The following SPOCK1 variants were observed in gnomAD, a reference collection of about 807,000 sequenced individuals.
The protein encoded by SPOCK1 is SPARC (osteonectin), cwcv and kazal like domains proteoglycan 1.
SPOCK1 carries 23 observed loss-of-function variants against 55.3 expected under a neutral mutation model. That is an observed-to-expected ratio of 0.42 (90% CI 0.30 to 0.59). SPOCK1 has a LOEUF of 0.59. Ranked by LOEUF, SPOCK1 falls within the 20% of genes least tolerant of loss-of-function variation. SPOCK1 has a pLI of 0.22. For synonymous variants in SPOCK1, 226 were observed against 221.0 expected (o/e 1.02, Z -0.20); for missense variants, 499 against 552.5 (o/e 0.90, Z 0.97).
chr5:137,407,662 G>A (rs1336760928), intron 2 of SPOCK1, among the ~76,000 whole-genome samples: 1 of 152,074 alleles, frequency 6.6e-6, no homozygotes, highest in Non-Finnish European at 1.5e-5. Context: ...ATTCAGGCTA[G>A]ACCATAGAGA....
chr5:137,033,602 T>C (rs1362611272), intron 6 of SPOCK1, among the ~76,000 whole-genome samples: 1 of 152,114 alleles, frequency 6.6e-6, no homozygotes, highest in Admixed American at 6.6e-5. Flanking sequence ...CTCCCTCACC[T>C]CATTCACACT....
intron 3 of SPOCK1, among the ~76,000 whole-genome samples, chr5:137,256,126 T>C (rs1756625602): frequency 6.6e-6 from 1 of 152,230 alleles, no homozygotes; most frequent in African/African-American, 2.4e-5. Context: ...CATATGTTTC[T>C]AAATCCTGGT....
intron 3 of SPOCK1, among the ~76,000 whole-genome samples, chr5:137,229,743 C>A (rs1756013471): frequency 6.6e-6 from 1 of 152,100 alleles, no homozygotes; most frequent in African/African-American, 2.4e-5. Context: ...GAAGGGGGTG[C>A]ACAGAGATGG....
chr5:137,425,027 CT>C (rs1304119976), intron 2 of SPOCK1, among the ~76,000 whole-genome samples: 3 of 152,244 alleles, frequency 2.0e-5, no homozygotes, highest in African/African-American at 7.2e-5. Flanking sequence ...TCAATACAAG[CT>C]TCCCATTCTA....
intron 6 of SPOCK1, among the ~76,000 whole-genome samples, chr5:137,058,172 T>C (rs1752334829): frequency 6.6e-6 from 1 of 152,196 alleles, no homozygotes; most frequent in African/African-American, 2.4e-5. Context: ...TTTTCTTTTT[T>C]CAAAGGAAGC....
intron 6 of SPOCK1, among the ~76,000 whole-genome samples, chr5:137,045,096 A>G (rs1752085168): frequency 6.7e-6 from 1 of 150,170 alleles, no homozygotes; most frequent in South Asian, 2.1e-4. Flanking sequence ...TAATGCCGCA[A>G]TAAACATACG....
chr5:137,026,345 A>G (rs1751673868), intron 6 of SPOCK1, among the ~76,000 whole-genome samples: 1 of 152,252 alleles, frequency 6.6e-6, no homozygotes, highest in African/African-American at 2.4e-5. Context: ...TGAGATTAAC[A>G]TTTAAGTCAG....
At chr5:137,413,218 C>G (rs1752246652) in intron 2 of SPOCK1, among the ~76,000 whole-genome samples, 1 of 152,118 alleles carries the variant, frequency 6.6e-6, no homozygotes, top group Non-Finnish European at 1.5e-5. Context: ...CTCATTGACT[C>G]TTCGTCTATT....
At chr5:137,432,914 C>T (rs139969427) in intron 2 of SPOCK1, among the ~76,000 whole-genome samples, 57 of 152,276 alleles carry the variant, frequency 3.7e-4, no homozygotes, top group African/African-American at 1.3e-3. Flanking sequence ...TGCTGAAATG[C>T]TTGCCCCCAT....
chr5:137,453,505 T>C (rs1753298867), intron 2 of SPOCK1, among the ~76,000 whole-genome samples: 1 of 152,180 alleles, frequency 6.6e-6, no homozygotes, highest in South Asian at 2.1e-4. Flanking sequence ...GCTAAAACCA[T>C]TATTTTGGCT....
chr5:137,392,852 A>G (rs1415042080), intron 2 of SPOCK1, among the ~76,000 whole-genome samples: 3 of 152,046 alleles, frequency 2.0e-5, no homozygotes, highest in Admixed American at 6.5e-5. Flanking sequence ...TCCAGCCTCT[A>G]TTCACCCAAA....
intron 2 of SPOCK1, among the ~76,000 whole-genome samples, chr5:137,458,769 G>A (rs1223338593): frequency 6.6e-6 from 1 of 152,104 alleles, no homozygotes; most frequent in East Asian, 1.9e-4. Flanking sequence ...TGGGCAAAAG[G>A]GAAGCACTTG....
chr5:137,098,730 C>A (rs932857829), intron 5 of SPOCK1, among the ~76,000 whole-genome samples: 3 of 152,236 alleles, frequency 2.0e-5, no homozygotes, highest in Admixed American at 6.5e-5. Context: ...CTCACCTGCA[C>A]TGACCATCAA....
chr5:137,261,971 T>C (rs1299060380), intron 3 of SPOCK1, among the ~76,000 whole-genome samples: 4 of 152,224 alleles, frequency 2.6e-5, no homozygotes, highest in Non-Finnish European at 5.9e-5. Flanking sequence ...TCTAAAGTAG[T>C]ATAGTGGTTA....
intron 2 of SPOCK1, among the ~76,000 whole-genome samples, chr5:137,376,681 C>CT (rs767724387): frequency 6.6e-6 from 1 of 152,170 alleles, no homozygotes; most frequent in Non-Finnish European, 1.5e-5. Flanking sequence ...AAAGTAACTC[C>CT]TGGACTTATC....
At chr5:137,214,591 G>A (rs1755679491) in intron 3 of SPOCK1, among the ~76,000 whole-genome samples, 2 of 152,208 alleles carry the variant, frequency 1.3e-5, no homozygotes, top group Admixed American at 6.5e-5. Context: ...ATCAGTAGCT[G>A]TGGTCTATAC....
At chr5:137,056,427 T>C (rs564052911) in intron 6 of SPOCK1, among the ~76,000 whole-genome samples, 3 of 152,146 alleles carry the variant, frequency 2.0e-5, no homozygotes, top group Admixed American at 6.5e-5. Flanking sequence ...TCCAAGCTAC[T>C]GTCCTGGAGT....
chr5:137,119,522 G>A (rs1753649347), intron 4 of SPOCK1, among the ~76,000 whole-genome samples: 1 of 152,202 alleles, frequency 6.6e-6, no homozygotes, highest in Admixed American at 6.5e-5. Flanking sequence ...ACTCCCACGA[G>A]AGAGATTTTC....
intron 2 of SPOCK1, among the ~76,000 whole-genome samples, chr5:137,444,821 A>G (rs533536748): frequency 2.0e-4 from 31 of 152,188 alleles, no homozygotes; most frequent in Non-Finnish European, 4.3e-4. Flanking sequence ...CCCTCTGCTG[A>G]CCATTCTCTT....
Sources: gnomAD v4.1 joint callset for allele counts (sites outside exome capture counted in the v4.1 genomes callset) on GRCh38, gnomAD v4.1.1 for gene constraint, MANE v1.5 for transcripts, NCBI Gene and HGNC (gene_info 2026-07-23, HGNC 2026-07-21) for gene names.